The following UNC13B variants were observed in gnomAD, a reference collection of about 807,000 sequenced individuals.
UNC13B encodes the protein protein unc-13 homolog B.
Under a neutral mutation model 211.0 loss-of-function variants are expected in UNC13B, and 144 were observed. The observed-to-expected ratio is 0.68, with a 90% CI of 0.60 to 0.78. The LOEUF is 0.78. UNC13B is among the 30% of genes least tolerant of loss of function. UNC13B has a pLI of 0.00. For synonymous variants in UNC13B, 709 were observed against 725.8 expected (o/e 0.98, Z 0.37); for missense variants, 1,777 against 2,002.0 (o/e 0.89, Z 2.14).
Position 35,304,306 on chromosome 9 carries a change from T to TA in UNC13B, c.4905dup (p.Glu1636ArgfsTer5), listed in dbSNP as rs1829824065. 1 of 398,702 alleles carries TA rather than the reference T, an allele frequency of 2.5e-6. No homozygotes were observed. Among genetic ancestry groups the TA allele is most frequent in the Non-Finnish European group, 4.4e-6 (1 of 225,876 alleles). The allele number at this position is 398,702 out of a possible 1,614,324, so 24.7% of individuals were successfully genotyped here. ...ATTTAGAAACCTTTTCACAAGTACTTAAAGAGTCAAGTTGTGACCAAAGCG... is the reference window on the plus strand; with the variant it reads ...ATTTAGAAACCTTTTCACAAGTACTTAAAAGAGTCAAGTTGTGACCAAAGCG... On this transcript the variant is annotated frameshift_variant, in exon 9 of 40. Transcript: ENST00000635942. LOFTEE classifies it high-confidence loss of function.
chr9:35,345,776 C>A (rs537953645), intron 11 of UNC13B, among the ~76,000 whole-genome samples: 1 of 152,322 alleles, frequency 6.6e-6, no homozygotes, highest in Admixed American at 6.5e-5. Context: ...ACAGAATAGC[C>A]TGCTCTCATG....
At chr9:35,251,349 G>T (rs1010105962) in intron 6 of UNC13B, among the ~76,000 whole-genome samples, 5 of 152,110 alleles carry the variant, frequency 3.3e-5, no homozygotes, top group East Asian at 1.9e-4. Context: ...ACTCTGGGGG[G>T]GCCGAGGTGG....
intron 11 of UNC13B, among the ~76,000 whole-genome samples, chr9:35,334,180 G>A (rs1022729957): frequency 3.9e-5 from 6 of 152,126 alleles, no homozygotes; most frequent in African/African-American, 1.4e-4. Context: ...TGGCCAGGCT[G>A]GTCTTGAACT....
intron 11 of UNC13B, among the ~76,000 whole-genome samples, chr9:35,344,202 A>G (rs1415889921): frequency 1.3e-5 from 2 of 152,194 alleles, no homozygotes; most frequent in Non-Finnish European, 2.9e-5. Context: ...CTGGAGAGAT[A>G]CCAGCTAATT....
intron 1 of UNC13B, among the ~76,000 whole-genome samples, chr9:35,174,295 C>A (rs989726790): frequency 6.6e-6 from 1 of 151,790 alleles, no homozygotes; most frequent in Admixed American, 6.6e-5. Context: ...GTAGCTGGAA[C>A]TACAGGTGTG....
At chr9:35,384,445 G>T in intron 22 of UNC13B, 131 bp downstream of exon 22, 1 of 1,444,034 alleles carries the variant, frequency 6.9e-7, no homozygotes, top group African/African-American at 1.4e-5. Context: ...CACCCAAATG[G>T]CCAATGCTAC....
intron 2 of UNC13B, among the ~76,000 whole-genome samples, chr9:35,229,657 G>A (rs1825085625): frequency 7.0e-6 from 1 of 143,236 alleles, no homozygotes; most frequent in Non-Finnish European, 1.5e-5. Context: ...ACAAAATAAT[G>A]TAATATAAAA....
intron 13 of UNC13B, among the ~76,000 whole-genome samples, chr9:35,371,209 C>T (rs151110760): frequency 3.9e-5 from 6 of 152,312 alleles, no homozygotes; most frequent in African/African-American, 1.4e-4. Flanking sequence ...CCCTCTTCCC[C>T]ATTTCCTGCT....
At chr9:35,336,253 C>T (rs762568005) in intron 11 of UNC13B, among the ~76,000 whole-genome samples, 18 of 151,976 alleles carry the variant, frequency 1.2e-4, no homozygotes, top group Non-Finnish European at 2.1e-4. Flanking sequence ...GTGTTCAAAC[C>T]GTACTTACCA....
chr9:35,391,185 C>T (rs1441988446), intron 26 of UNC13B, among the ~76,000 whole-genome samples: 1 of 152,226 alleles, frequency 6.6e-6, no homozygotes, highest in East Asian at 1.9e-4. Context: ...CTTCTTCCCT[C>T]ACTTCTCCTA....
At chr9:35,245,321 C>T (rs1256286168) in intron 6 of UNC13B, among the ~76,000 whole-genome samples, 1 of 150,968 alleles carries the variant, frequency 6.6e-6, no homozygotes. Context: ...AACTGCATAT[C>T]AGATTTTTGC....
rs1052967794 is a variant in UNC13B, at chr9:35,195,696, C to T, written c.23-32319C>T. Among the ~76,000 whole-genome samples, 6 of 152,284 alleles carry T rather than the reference C, an allele frequency of 3.9e-5. No homozygotes were observed. In the South Asian group the frequency reaches 6.2e-4, roughly 16 times the overall value. ...ACCCTTTTTCATAATTCTCAGAGGG[C>T]CATACTGGCCCTGAAAAATACTTTT... On this transcript the variant is annotated intron_variant, in intron 1 of 39. Coordinates refer to ENST00000635942, the MANE Select transcript of UNC13B (RefSeq NM_001371189.2).
At chr9:35,202,765 C>G (rs1823390347) in intron 1 of UNC13B, among the ~76,000 whole-genome samples, 1 of 149,694 alleles carries the variant, frequency 6.7e-6, no homozygotes. Flanking sequence ...GATGGGTCTC[C>G]TGAATACAGC....
chr9:35,367,103 A>G, intron 12 of UNC13B, 110 bp downstream of exon 12: 1 of 1,120,498 alleles, frequency 8.9e-7, no homozygotes, highest in Admixed American at 1.8e-5. Flanking sequence ...CATCCTGGGG[A>G]AGGAAAAGGT....
At chr9:35,255,862 TC>T (rs1826850360) in intron 6 of UNC13B, among the ~76,000 whole-genome samples, 1 of 152,150 alleles carries the variant, frequency 6.6e-6, no homozygotes, top group South Asian at 2.1e-4. Flanking sequence ...GGCAGACTGG[TC>T]CCCGGGCAAG....
At position 35,386,249 on chromosome 9, in the gene UNC13B, A is replaced by G; in HGVS notation, c.11050A>G (p.Ile3684Val). Residue 3684 changes from isoleucine to valine, a missense_variant, in exon 24 of 40, where the codon ATC (isoleucine) becomes GTC (valine). By Grantham distance (29) the Ile-to-Val change is conservative (BLOSUM62 3). Transcript: ENST00000635942. Reference protein sequence around the residue: ...KACLNSTYEYIFNNCHDLYSR... With the variant: ...KACLNSTYEYVFNNCHDLYSR... Reference sequence around the variant, plus strand: ...CTGTTTGAACTCCACATATGAATATATCTTCAACAACTGCCACGACTTATA... The same window carrying G: ...CTGTTTGAACTCCACATATGAATATGTCTTCAACAACTGCCACGACTTATA... The G allele has an allele frequency of 6.2e-7, 1 of 1,614,186 alleles. No individual in the cohort carries two copies.
chr9:35,254,998 T>TAATA (rs1237502448), intron 6 of UNC13B, among the ~76,000 whole-genome samples: 1 of 112,742 alleles, frequency 8.9e-6, no homozygotes, highest in Non-Finnish European at 1.8e-5. Flanking sequence ...ATATATTATA[T>TAATA]TATATTATAT....
At chr9:35,255,084 T>TTA (rs1297965391) in intron 6 of UNC13B, among the ~76,000 whole-genome samples, 7 of 122,490 alleles carry the variant, frequency 5.7e-5, no homozygotes, top group South Asian at 2.3e-4. Context: ...AATATATATA[T>TTA]TATATATATA....
chr9:35,268,185 C>T (rs528140140), intron 7 of UNC13B, among the ~76,000 whole-genome samples: 8 of 152,220 alleles, frequency 5.3e-5, no homozygotes, highest in South Asian at 2.1e-4. Context: ...GAAAAACATT[C>T]GTTTTTCCCC....
Sources: gnomAD v4.1 joint callset for allele counts (sites outside exome capture counted in the v4.1 genomes callset) on GRCh38, gnomAD v4.1.1 for gene constraint, MANE v1.5 for transcripts, NCBI Gene and HGNC (gene_info 2026-07-23, HGNC 2026-07-21) for gene names.